The following SPAG17 variants were observed in gnomAD, a reference collection of about 807,000 sequenced individuals.
SPAG17 encodes sperm associated antigen 17.
Under a neutral mutation model 273.6 loss-of-function variants are expected in SPAG17, and 169 were observed. The ratio of observed to expected loss-of-function variants is 0.62; its 90% CI spans 0.55 to 0.70. The LOEUF is 0.70. Among genes scored for constraint, SPAG17 ranks in the 30% least tolerant of loss-of-function variants. The probability of loss-of-function intolerance (pLI) is 0.00; values close to 1 mark genes in which losing one functional copy is unlikely to be tolerated. For missense variants in SPAG17, 2,557 were observed against 2,627.8 expected (o/e 0.97, Z 0.59); for synonymous variants, 825 against 873.2 (o/e 0.94, Z 0.97).
intron 1 of SPAG17, among the ~76,000 whole-genome samples, chr1:118,155,815 A>C (rs939119094): frequency 6.6e-6 from 1 of 152,238 alleles, no homozygotes; most frequent in African/African-American, 2.4e-5. Context: ...CAAAATGGAC[A>C]GGGATTTGTG....
Position 118,115,447 on chromosome 1 carries a change from C to A in SPAG17, c.316-6G>T. 1.2e-6 allele frequency: 2 copies of A among 1,603,926 alleles called. No homozygotes were observed. Among genetic ancestry groups the A allele is most frequent in the South Asian group, 2.2e-5 (2 of 89,446 alleles). ...GCTTTTGCTGCCGTTAACACCTATA[C>A]AGAAACACAATTATTAGAAAAAGTG... is the stretch of plus-strand genomic sequence containing the variant. On this transcript the variant is annotated splice_polypyrimidine_tract_variant and splice_region_variant and intron_variant, in intron 3 of 48. Coordinates refer to ENST00000336338, the MANE Select transcript of SPAG17 (RefSeq NM_206996.4).
intron 48 of SPAG17, chr1:117,955,210 T>C: frequency 1.1e-6 from 1 of 927,124 alleles, no homozygotes. Context: ...ATACTTTTTC[T>C]GAAGTAAGAA....
chr1:117,976,729 G>T (rs931312900), intron 43 of SPAG17, among the ~76,000 whole-genome samples: 1 of 152,142 alleles, frequency 6.6e-6, no homozygotes, highest in Admixed American at 6.5e-5. Context: ...AGGGTAAACT[G>T]CCCTGGTTTG....
Position 118,039,430 on chromosome 1 carries a change from T to A in SPAG17, c.3181A>T (p.Lys1061Ter). The change falls in exon 23 of 49, where the codon AAA becomes TAA. Residue 1061 changes from lysine (K) to a stop codon, truncating the protein, a stop_gained. Transcript: ENST00000336338. LOFTEE classifies it high-confidence loss of function. ...TGGTTGTCCTTTACCACTCTCACTTTGATAAAAGTTGGGCCTGAGGAGGAA... is the reference window on the plus strand; with the variant it reads ...TGGTTGTCCTTTACCACTCTCACTTAGATAAAAGTTGGGCCTGAGGAGGAA... ...TMFEKGPTFI[K>*]VRVVKDNHNF... 6.2e-7 allele frequency: 1 copy of A among 1,613,332 alleles called. No individual in the cohort carries two copies. Among genetic ancestry groups the A allele is most frequent in the Non-Finnish European group, 8.5e-7 (1 of 1,179,528 alleles).
rs969620913 is a variant in SPAG17, at chr1:118,074,573, T to C, written c.2237A>G (p.Asp746Gly). ...AGAATCAGCCTTTGTGACTGCATCA[T>C]CTTTGATCTCATTGTTTGTGGTCTG... ...LEQTTNNEIK[D>G]DAVTKADSHE... The change falls in exon 16 of 49, where the codon GAT becomes GGT. Residue 746 changes from aspartate (D) to glycine (G), a missense_variant. Transcript: ENST00000336338. 1.2e-6 allele frequency: 2 copies of C among 1,613,850 alleles called. No individual in the cohort carries two copies. The highest frequency in any genetic ancestry group is 1.6e-4 in the Middle Eastern group (1 of 6,062).
At chr1:117,954,769 C>T in intron 48 of SPAG17, 2 of 910,390 alleles carry the variant, frequency 2.2e-6, no homozygotes, top group Admixed American at 5.4e-5. Flanking sequence ...TCTTGGCATT[C>T]TCTAGGATAT....
At chr1:118,027,546 T>C (rs946361573) in intron 26 of SPAG17, among the ~76,000 whole-genome samples, 1 of 152,136 alleles carries the variant, frequency 6.6e-6, no homozygotes, top group Non-Finnish European at 1.5e-5. Context: ...AAGGGACACA[T>C]CATTCGTTGG....
chr1:118,185,204 G>A lies in SPAG17; in HGVS notation c.-47C>T, dbSNP rs747927141. On this transcript the variant is annotated 5_prime_UTR_variant, in exon 1 of 49. Coordinates refer to ENST00000336338, the MANE Select transcript of SPAG17 (RefSeq NM_206996.4). The stretch of plus-strand genomic sequence containing the variant: ...GGCCTCTAAACTGGGCGCAGGCCCT[G>A]CCTAAGCGTCCCCGCTACCACAGTA... The A allele has an allele frequency of 3.4e-6, 5 of 1,485,136 alleles. No homozygotes were observed. The Admixed American group carries it at 6.7e-5, about 20-fold the overall frequency. The allele number at this position is 1,485,136 out of a possible 1,614,324, so 92.0% of individuals were successfully genotyped here.
chr1:118,057,832 T>C (rs1337520454), intron 18 of SPAG17, among the ~76,000 whole-genome samples: 1 of 150,794 alleles, frequency 6.6e-6, no homozygotes, highest in Non-Finnish European at 1.5e-5. Context: ...AATGGAATTA[T>C]GTTAAATTAA....
intron 7 of SPAG17, among the ~76,000 whole-genome samples, chr1:118,094,047 T>G (rs570678189): frequency 6.6e-6 from 1 of 152,162 alleles, no homozygotes; most frequent in Non-Finnish European, 1.5e-5. Flanking sequence ...GCTCATCCTA[T>G]GTCTGAGTTC....
chr1:118,101,632 C>T (rs1184808300), intron 5 of SPAG17, 108 bp downstream of exon 5: 7 of 1,060,750 alleles, frequency 6.6e-6, no homozygotes, highest in Admixed American at 2.4e-5. Flanking sequence ...GGGGAATTGG[C>T]GTCAGGAAAC....
chr1:118,119,246 A>T (rs908424457), intron 3 of SPAG17, among the ~76,000 whole-genome samples: 5 of 152,238 alleles, frequency 3.3e-5, no homozygotes, highest in Non-Finnish European at 7.3e-5. Context: ...TGTGTTGACA[A>T]GAAGTCATAT....
At chr1:118,085,838 T>C in intron 13 of SPAG17, 84 bp downstream of exon 13, 1 of 1,345,858 alleles carries the variant, frequency 7.4e-7, no homozygotes, top group Non-Finnish European at 1.0e-6. Context: ...GAAAATACTT[T>C]TTGTAAATAA....
intron 46 of SPAG17, among the ~76,000 whole-genome samples, chr1:117,967,974 T>C (rs1196062278): frequency 6.6e-6 from 1 of 152,214 alleles, no homozygotes; most frequent in African/African-American, 2.4e-5. Context: ...TTTTCAACAA[T>C]GTACTTGTGA....
At chr1:118,068,495 A>T (rs1653214700) in intron 17 of SPAG17, among the ~76,000 whole-genome samples, 1 of 152,124 alleles carries the variant, frequency 6.6e-6, no homozygotes, top group Non-Finnish European at 1.5e-5. Context: ...AGAGCTTTGA[A>T]ATCTTTGGGT....
At chr1:118,004,207 G>C (rs1030357852) in intron 32 of SPAG17, among the ~76,000 whole-genome samples, 19 of 152,256 alleles carry the variant, frequency 1.2e-4, no homozygotes, top group African/African-American at 4.1e-4. Context: ...AGGGGCACCT[G>C]CCTATATGAG....
intron 12 of SPAG17, among the ~76,000 whole-genome samples, chr1:118,086,276 A>G (rs1490048131): frequency 6.6e-6 from 1 of 152,238 alleles, no homozygotes; most frequent in African/African-American, 2.4e-5. Flanking sequence ...CTGGTGCACA[A>G]AAATGACTGA....
At chr1:118,125,911 T>C (rs1034584634) in intron 3 of SPAG17, among the ~76,000 whole-genome samples, 10 of 152,150 alleles carry the variant, frequency 6.6e-5, no homozygotes, top group East Asian at 1.9e-4. Context: ...GTGGATCATA[T>C]AGTAGTTCTA....
At chr1:118,111,817 C>T (rs912970948) in intron 4 of SPAG17, among the ~76,000 whole-genome samples, 5 of 152,094 alleles carry the variant, frequency 3.3e-5, no homozygotes, top group Admixed American at 6.6e-5. Flanking sequence ...AGTTCTTTAC[C>T]GCCTATCTTC....
Sources: allele counts gnomAD v4.1 joint callset (sites outside exome capture counted in the v4.1 genomes callset), GRCh38; gene constraint gnomAD v4.1.1; transcripts MANE v1.5; gene names NCBI Gene and HGNC (gene_info 2026-07-23, HGNC 2026-07-21).